The following SLC38A9 variants were observed in gnomAD, a reference collection of about 807,000 sequenced individuals.
SLC38A9 encodes the protein neutral amino acid transporter 9.
Under a neutral mutation model 62.3 loss-of-function variants are expected in SLC38A9, and 48 were observed. The observed-to-expected ratio is 0.77, with a 90% CI of 0.61 to 0.98. SLC38A9 has a LOEUF of 0.98. Ranked by LOEUF, SLC38A9 falls within the 50% of genes least tolerant of loss-of-function variation. The probability of loss-of-function intolerance (pLI) is 0.00; values close to 1 mark genes in which losing one functional copy is unlikely to be tolerated. For synonymous variants in SLC38A9, 204 were observed against 227.7 expected (o/e 0.90, Z 0.94); for missense variants, 541 against 679.8 (o/e 0.80, Z 2.27).
At chr5:55,690,666 A>G (rs780282127) in intron 3 of SLC38A9, among the ~76,000 whole-genome samples, 4 of 152,138 alleles carry the variant, frequency 2.6e-5, no homozygotes, top group Admixed American at 1.3e-4. Context: ...TCAAGCCTCA[A>G]TTACTTCCAA....
chr5:55,675,857 C>T (rs1752018787), intron 3 of SLC38A9, among the ~76,000 whole-genome samples: 1 of 152,090 alleles, frequency 6.6e-6, no homozygotes, highest in Admixed American at 6.5e-5. Flanking sequence ...AAATTTTTGG[C>T]TTATACATCT....
rs1754165835 is a variant in SLC38A9, at chr5:55,687,949, G to A, written c.113+9897C>T. ...CCTGACCTCATGATCCGCCCGCCTT[G>A]GCCTCCCAAAGTGTTGGGATTACAG... On this transcript the variant is annotated intron_variant, in intron 3 of 15. Coordinates refer to ENST00000396865, the MANE Select transcript of SLC38A9 (RefSeq NM_173514.4). Among the ~76,000 whole-genome samples the A allele has an allele frequency of 4.6e-5, 7 of 152,210 alleles. No individual in the cohort carries two copies. The South Asian group carries it at 1.5e-3, about 32-fold the overall frequency.
chr5:55,704,184 T>C (rs1273820708), intron 2 of SLC38A9: 2 of 151,960 alleles, frequency 1.3e-5, no homozygotes, highest in Non-Finnish European at 2.9e-5. Context: ...TAAAATAAAA[T>C]ACAATACCAA....
intron 10 of SLC38A9, among the ~76,000 whole-genome samples, chr5:55,650,839 T>C (rs995617664): frequency 2.0e-5 from 3 of 152,236 alleles, no homozygotes; most frequent in African/African-American, 7.2e-5. Context: ...TTGCCCACGC[T>C]GGAGTGCAAT....
At position 55,626,588 on chromosome 5, in the gene SLC38A9, T is replaced by C. The variant is rs143453894; in HGVS notation, c.1592A>G (p.His531Arg). The C allele has an allele frequency of 4.4e-5, 71 of 1,613,908 alleles. No individual in the cohort carries two copies. The highest frequency in any genetic ancestry group is 5.9e-5 in the Non-Finnish European group (70 of 1,179,898). The change falls in exon 16 of 16, where the codon CAC becomes CGC. Residue 531 changes from histidine to arginine, a missense_variant. His to Arg is a conservative substitution (Grantham distance 29). Transcript: ENST00000396865. ...YPSLIYIISL[H>R]QEERLTWPKL... The stretch of plus-strand genomic sequence containing the variant: ...AGGCCATGTCAGACGCTCTTCTTGG[T>C]GGAGGGAAATTATATAGATGAGAGA...
chr5:55,681,971 C>T (rs1287352692), intron 3 of SLC38A9, among the ~76,000 whole-genome samples: 1 of 152,124 alleles, frequency 6.6e-6, no homozygotes, highest in Non-Finnish European at 1.5e-5. Context: ...AAAGTATTTA[C>T]TAACGTGTCC....
intron 3 of SLC38A9, among the ~76,000 whole-genome samples, chr5:55,676,340 T>A (rs1488705856): frequency 6.6e-6 from 1 of 152,106 alleles, no homozygotes; most frequent in Non-Finnish European, 1.5e-5. Context: ...CATGCCCGTC[T>A]AATTAAAAAA....
intron 12 of SLC38A9, among the ~76,000 whole-genome samples, chr5:55,639,953 T>TAA (rs999214983): frequency 1.6e-5 from 2 of 128,274 alleles, no homozygotes; most frequent in Admixed American, 1.6e-4. Context: ...ATTAAGACAG[T>TAA]AAAAAAAAAA....
intron 7 of SLC38A9, among the ~76,000 whole-genome samples, chr5:55,666,886 G>A (rs1328580502): frequency 6.8e-6 from 1 of 147,962 alleles, no homozygotes; most frequent in Non-Finnish European, 1.5e-5. Context: ...GTGGTGGTGG[G>A]TGCCTGTAGT....
At chr5:55,689,873 A>C (rs1345757790) in intron 3 of SLC38A9, among the ~76,000 whole-genome samples, 3 of 152,166 alleles carry the variant, frequency 2.0e-5, no homozygotes, top group Non-Finnish European at 4.4e-5. Context: ...GAAGCATCAT[A>C]ATAATAATGA....
chr5:55,640,906 G>A (rs1362115536), intron 12 of SLC38A9, among the ~76,000 whole-genome samples: 12 of 151,704 alleles, frequency 7.9e-5, no homozygotes, highest in Admixed American at 5.3e-4. Context: ...GTGTGATCTC[G>A]GCTCACTGCA....
At position 55,664,731 on chromosome 5, in the gene SLC38A9, A is replaced by G. The variant is rs1250980118; in HGVS notation, c.659T>C (p.Met220Thr). 2.5e-6 allele frequency: 4 copies of G among 1,569,040 alleles called. No individual in the cohort carries two copies. The highest frequency in any genetic ancestry group is 4.6e-5 in the East Asian group (2 of 43,412). ...IGAMIVYWVL[M>T]SNFLFNTGKF... is the part of the protein sequence containing the mutation. ...TCCAGTATTAAAAAGAAAATTTGAC[A>G]TAAGCACCCAATAAACTATCATTGC... Residue 220 changes from methionine to threonine, a missense_variant, in exon 8 of 16, where the codon ATG (methionine) becomes ACG (threonine). Met to Thr is a moderately conservative substitution (Grantham distance 81). Transcript: ENST00000396865.
chr5:55,697,643 T>C (rs1300142990), intron 3 of SLC38A9, among the ~76,000 whole-genome samples: 2 of 134,190 alleles, frequency 1.5e-5, no homozygotes, highest in African/African-American at 2.9e-5. Context: ...AACAGAGATG[T>C]TGAGTTTAGT....
chr5:55,672,214 T>C (rs745778584), intron 4 of SLC38A9, among the ~76,000 whole-genome samples: 1 of 152,142 alleles, frequency 6.6e-6, no homozygotes, highest in African/African-American at 2.4e-5. Flanking sequence ...AAAGTTAAAA[T>C]TGTCCACACT....
chr5:55,674,798 A>T (rs1313219997), intron 3 of SLC38A9, among the ~76,000 whole-genome samples: 3 of 152,202 alleles, frequency 2.0e-5, no homozygotes, highest in African/African-American at 7.2e-5. Flanking sequence ...CCTACTTGTA[A>T]ATTTGGTAGT....
chr5:55,628,127 A>G (rs1742791013), intron 14 of SLC38A9, 147 bp from the exon 15 acceptor site: 1 of 590,000 alleles, frequency 1.7e-6, no homozygotes, highest in Non-Finnish European at 3.0e-6. Flanking sequence ...AATAGAAGGT[A>G]ACAGTAGTCC....
At chr5:55,662,446 C>T (rs551310689) in intron 8 of SLC38A9, among the ~76,000 whole-genome samples, 4 of 151,980 alleles carry the variant, frequency 2.6e-5, no homozygotes, top group Admixed American at 6.6e-5. Context: ...CTGAGGTGGG[C>T]GGATCACGAC....
chr5:55,685,699 G>C (rs1753697696), intron 3 of SLC38A9, among the ~76,000 whole-genome samples: 1 of 152,060 alleles, frequency 6.6e-6, no homozygotes. Context: ...TGTGTGATGG[G>C]GGTTTGTTGT....
intron 14 of SLC38A9, among the ~76,000 whole-genome samples, chr5:55,628,791 C>G (rs1189354961): frequency 6.6e-6 from 1 of 152,070 alleles, no homozygotes; most frequent in Non-Finnish European, 1.5e-5. Context: ...ATTAACAATT[C>G]AAGGTTTGGG....
Sources: gnomAD v4.1 joint callset for allele counts (sites outside exome capture counted in the v4.1 genomes callset) on GRCh38, gnomAD v4.1.1 for gene constraint, MANE v1.5 for transcripts, NCBI Gene and HGNC (gene_info 2026-07-23, HGNC 2026-07-21) for gene names.